FARS2: variants seen among roughly 807,000 people sequenced by gnomAD.
The protein encoded by FARS2 is phenylalanyl-tRNA synthetase 2, mitochondrial.
Under a neutral mutation model 46.4 loss-of-function variants are expected in FARS2, and 40 were observed. The ratio of observed to expected loss-of-function variants is 0.86; its 90% CI spans 0.67 to 1.12. The LOEUF is 1.12. Ranked by LOEUF, FARS2 falls within the 50% of genes most tolerant of loss-of-function variation. The probability of loss-of-function intolerance (pLI) is 0.00; values close to 1 mark genes in which losing one functional copy is unlikely to be tolerated. For synonymous variants in FARS2, 234 were observed against 214.9 expected, an observed-to-expected ratio of 1.09 and a Z score of -0.78; for missense variants, 513 against 567.9, an observed-to-expected ratio of 0.90 and a Z score of 0.98.
intron 6 of FARS2, among the ~76,000 whole-genome samples, chr6:5,707,951 G>A (rs1396799912): frequency 6.6e-6 from 1 of 152,260 alleles, no homozygotes; most frequent in African/African-American, 2.4e-5. Flanking sequence ...CCTTATGGCT[G>A]TGGCAAATAT....
intron 4 of FARS2, among the ~76,000 whole-genome samples, chr6:5,437,762 C>G (rs1419138197): frequency 6.6e-6 from 1 of 151,994 alleles, no homozygotes; most frequent in African/African-American, 2.4e-5. Flanking sequence ...TACACTTTTC[C>G]TTTAAGGAGT....
At chr6:5,646,809 TGTACATGTTTA>T (rs1777102972) in intron 6 of FARS2, among the ~76,000 whole-genome samples, 1 of 152,282 alleles carries the variant, frequency 6.6e-6, no homozygotes, top group African/African-American at 2.4e-5. Context: ...AGAAAAAGTC[TGTACATGTTTA>T]GTATGGACCA....
At chr6:5,590,932 A>G (rs1456763148) in intron 5 of FARS2, among the ~76,000 whole-genome samples, 3 of 152,220 alleles carry the variant, frequency 2.0e-5, no homozygotes, top group Non-Finnish European at 4.4e-5. Flanking sequence ...TGAATTAACC[A>G]TGAGAAATTA....
At chr6:5,757,084 C>T (rs1229770729) in intron 6 of FARS2, among the ~76,000 whole-genome samples, 1 of 152,138 alleles carries the variant, frequency 6.6e-6, no homozygotes, top group Non-Finnish European at 1.5e-5. Flanking sequence ...TAAATTCTGC[C>T]TAAGCATTCA....
chr6:5,723,759 T>C (rs1760063491), intron 6 of FARS2, among the ~76,000 whole-genome samples: 1 of 152,238 alleles, frequency 6.6e-6, no homozygotes, highest in African/African-American at 2.4e-5. Flanking sequence ...TTTTATCTTA[T>C]ATGATTGTTC....
rs190737995 is a variant in FARS2 at position 5,352,620 on chromosome 6, G to A, written c.-21-15930G>A. Among the ~76,000 whole-genome samples, 33 of 151,602 alleles carry A rather than the reference G, an allele frequency of 2.2e-4. No homozygotes were observed. In the East Asian group the frequency reaches 3.5e-3, roughly 16 times the overall value. ...GCCTTGGTTTCCTCATCTAGTAAAT[G>A]CCCTCTGGTTGATCTAACTCATCTC... On this transcript the variant is annotated intron_variant, in intron 1 of 6. Transcript: ENST00000274680.
intron 6 of FARS2, among the ~76,000 whole-genome samples, chr6:5,769,473 C>T (rs3812176): frequency 0.043 from 6,556 of 152,192 alleles, 362 homozygotes; most frequent in African/African-American, 0.12. Flanking sequence ...TACTGTTGTT[C>T]GGAGCACAAA....
intron 5 of FARS2, among the ~76,000 whole-genome samples, chr6:5,592,722 G>A (rs4960110): frequency 0.61 from 92,955 of 152,082 alleles, 28,846 homozygotes; most frequent in Non-Finnish European, 0.68. Flanking sequence ...GGCAGCAGAC[G>A]CCGTCTCTGA....
intron 1 of FARS2, among the ~76,000 whole-genome samples, chr6:5,284,500 G>A (rs929093002): frequency 3.3e-5 from 5 of 152,178 alleles, no homozygotes; most frequent in African/African-American, 4.8e-5. Flanking sequence ...CTGTCGTGCA[G>A]TGTTCTTCCA....
chr6:5,358,675 A>C (rs904980323), intron 1 of FARS2, among the ~76,000 whole-genome samples: 2 of 152,212 alleles, frequency 1.3e-5, no homozygotes, highest in Non-Finnish European at 2.9e-5. Context: ...AATCACTACA[A>C]TTCCAAATAC....
chr6:5,462,028 A>G (rs1765270574), intron 4 of FARS2, among the ~76,000 whole-genome samples: 1 of 152,206 alleles, frequency 6.6e-6, no homozygotes, highest in African/African-American at 2.4e-5. Flanking sequence ...TACATGAGCA[A>G]TACATGAGGG....
intron 5 of FARS2, among the ~76,000 whole-genome samples, chr6:5,567,720 C>T (rs1772401912): frequency 6.6e-6 from 1 of 152,190 alleles, no homozygotes; most frequent in Non-Finnish European, 1.5e-5. Flanking sequence ...TGCATATATA[C>T]GACATACAGT....
intron 4 of FARS2, among the ~76,000 whole-genome samples, chr6:5,526,303 G>T (rs2150441296): frequency 6.6e-6 from 1 of 152,282 alleles, no homozygotes; most frequent in African/African-American, 2.4e-5. Context: ...GATGCAATTT[G>T]GTTATGAGAA....
At chr6:5,377,691 TA>T (rs983659674) in intron 2 of FARS2, among the ~76,000 whole-genome samples, 5 of 152,108 alleles carry the variant, frequency 3.3e-5, no homozygotes, top group Non-Finnish European at 2.9e-5. Flanking sequence ...TACAGGAAAA[TA>T]AAAAATATAA....
At chr6:5,705,882 C>T (rs145452968) in intron 6 of FARS2, among the ~76,000 whole-genome samples, 98 of 152,256 alleles carry the variant, frequency 6.4e-4, no homozygotes, top group African/African-American at 1.9e-3. Context: ...TGCCTGCGCT[C>T]GCTGCCTCCT....
chr6:5,351,679 G>A (rs1204870049), intron 1 of FARS2, among the ~76,000 whole-genome samples: 1 of 151,828 alleles, frequency 6.6e-6, no homozygotes, highest in Non-Finnish European at 1.5e-5. Flanking sequence ...AGCTCTTCTG[G>A]TATTTTTTTA....
intron 3 of FARS2, among the ~76,000 whole-genome samples, chr6:5,424,248 T>C (rs1260544839): frequency 1.3e-5 from 2 of 152,228 alleles, no homozygotes; most frequent in African/African-American, 4.8e-5. Flanking sequence ...ATTGAGCTAA[T>C]GTTAGTGCAA....
intron 3 of FARS2, among the ~76,000 whole-genome samples, chr6:5,416,494 A>G (rs75626910): frequency 2.0e-5 from 3 of 152,124 alleles, no homozygotes; most frequent in African/African-American, 7.2e-5. Context: ...TGCATCTGTT[A>G]TTTGTCTATC....
chr6:5,593,541 A>G lies in FARS2; in HGVS notation c.1066-19628A>G, dbSNP rs145444023. Among the ~76,000 whole-genome samples, 4 of 152,234 alleles carry G rather than the reference A, an allele frequency of 2.6e-5. No homozygotes were observed. In the East Asian group the frequency reaches 5.8e-4, roughly 22 times the overall value. ...TAAAGAAATTCAGCACCTGTGGACA[A>G]CTCTGCCAAAAGGAAGTTACCTCCT... On this transcript the variant is annotated intron_variant, in intron 5 of 6. Coordinates refer to ENST00000274680, the MANE Select transcript of FARS2 (RefSeq NM_006567.5).
Sources: allele counts gnomAD v4.1 joint callset (sites outside exome capture counted in the v4.1 genomes callset), GRCh38; gene constraint gnomAD v4.1.1; transcripts MANE v1.5; gene names NCBI Gene and HGNC (gene_info 2026-07-23, HGNC 2026-07-21).